UCK2: variants seen among roughly 807,000 people sequenced by gnomAD.
UCK2 encodes cytidine monophosphokinase 2.
Under a neutral mutation model 30.8 loss-of-function variants are expected in UCK2, and 6 were observed. The ratio of observed to expected loss-of-function variants is 0.19; its 90% CI spans 0.11 to 0.38. The LOEUF (loss-of-function observed/expected upper bound fraction) is 0.38, where lower values mean the gene tolerates loss of function less well. UCK2 is among the 10% of genes least tolerant of loss of function. The probability of loss-of-function intolerance (pLI) is 1.00; values close to 1 mark genes in which losing one functional copy is unlikely to be tolerated. For missense variants in UCK2, 210 were observed against 339.8 expected (o/e 0.62, Z 3.00); for synonymous variants, 125 against 133.6 (o/e 0.94, Z 0.45).
chr1:165,853,574 GAGTTA>G (rs1481559672), intron 1 of UCK2, among the ~76,000 whole-genome samples: 1 of 150,998 alleles, frequency 6.6e-6, no homozygotes, highest in Non-Finnish European at 1.5e-5. Context: ...TTAAACCTCA[GAGTTA>G]AGTTCTTCTT....
At chr1:165,854,136 T>TA (rs1313840594) in intron 1 of UCK2, among the ~76,000 whole-genome samples, 1 of 152,214 alleles carries the variant, frequency 6.6e-6, no homozygotes, top group Non-Finnish European at 1.5e-5. Context: ...TGTTGAGACT[T>TA]TCTGAGCGCA....
intron 1 of UCK2, among the ~76,000 whole-genome samples, chr1:165,869,465 C>T (rs967489783): frequency 5.9e-5 from 9 of 151,990 alleles, no homozygotes; most frequent in African/African-American, 1.5e-4. Context: ...CTGGGTCATA[C>T]GGTAATTCTA....
intron 1 of UCK2, among the ~76,000 whole-genome samples, chr1:165,886,537 C>G (rs893458039): frequency 1.3e-5 from 2 of 152,208 alleles, no homozygotes; most frequent in Non-Finnish European, 2.9e-5. Context: ...TCAAGTGATC[C>G]TCCTGCCCTA....
chr1:165,861,261 C>A (rs1654888937), intron 1 of UCK2, among the ~76,000 whole-genome samples: 1 of 152,142 alleles, frequency 6.6e-6, no homozygotes, highest in African/African-American at 2.4e-5. Context: ...GATTAAGTTT[C>A]AACACAGGCA....
At chr1:165,901,649 C>T (rs1647470536) in intron 4 of UCK2, among the ~76,000 whole-genome samples, 1 of 152,148 alleles carries the variant, frequency 6.6e-6, no homozygotes, top group Non-Finnish European at 1.5e-5. Flanking sequence ...AAAGATTTAG[C>T]AGCTCAGATG....
intron 1 of UCK2, among the ~76,000 whole-genome samples, chr1:165,869,769 C>T (rs1253193417): frequency 6.8e-6 from 1 of 146,580 alleles, no homozygotes; most frequent in Non-Finnish European, 1.5e-5. Flanking sequence ...CGATCCTCTG[C>T]TTCAGCCTTC....
chr1:165,875,515 A>C (rs1655312071), intron 1 of UCK2, among the ~76,000 whole-genome samples: 2 of 152,258 alleles, frequency 1.3e-5, no homozygotes. Context: ...ACCTGGAGAT[A>C]GTGTCAAATC....
At chr1:165,898,435 G>C (rs1647344124) in intron 4 of UCK2, among the ~76,000 whole-genome samples, 1 of 152,224 alleles carries the variant, frequency 6.6e-6, no homozygotes, top group African/African-American at 2.4e-5. Flanking sequence ...TTCTGCTGAA[G>C]GGGTCGGTGC....
intron 4 of UCK2, among the ~76,000 whole-genome samples, chr1:165,896,738 G>A (rs1429980974): frequency 1.3e-5 from 2 of 152,238 alleles, no homozygotes; most frequent in Admixed American, 6.5e-5. Context: ...TGTGCCTGAA[G>A]TACTGGGCAG....
At chr1:165,853,224 G>C (rs773334450) in intron 1 of UCK2, among the ~76,000 whole-genome samples, 15 of 152,150 alleles carry the variant, frequency 9.9e-5, no homozygotes, top group Non-Finnish European at 1.6e-4. Context: ...AATCAGAGAT[G>C]GGGGAAAATT....
At chr1:165,848,325 ACTT>A (rs1176316065) in intron 1 of UCK2, among the ~76,000 whole-genome samples, 5 of 152,240 alleles carry the variant, frequency 3.3e-5, no homozygotes, top group East Asian at 1.9e-4. Flanking sequence ...TGGAGGTTGA[ACTT>A]CTTGAAGAAA....
intron 1 of UCK2, among the ~76,000 whole-genome samples, chr1:165,858,659 G>A (rs944551666): frequency 2.0e-5 from 3 of 151,938 alleles, no homozygotes; most frequent in African/African-American, 4.8e-5. Context: ...CATGGTACTC[G>A]TCCCTTAGCC....
At chr1:165,896,056 G>A in intron 3 of UCK2, 134 bp from the exon 4 acceptor site, 1 of 1,171,234 alleles carries the variant, frequency 8.5e-7, no homozygotes, top group Admixed American at 2.1e-5. Context: ...TATTAGCCAA[G>A]TCTTTAGCCC....
intron 1 of UCK2, among the ~76,000 whole-genome samples, chr1:165,871,181 G>A (rs571714088): frequency 1.2e-4 from 18 of 152,144 alleles, no homozygotes; most frequent in Admixed American, 9.2e-4. Context: ...GTGCGTGTGC[G>A]TTTGCTTATT....
intron 1 of UCK2, among the ~76,000 whole-genome samples, chr1:165,874,679 T>C (rs1330250485): frequency 6.6e-6 from 1 of 152,202 alleles, no homozygotes; most frequent in Non-Finnish European, 1.5e-5. Flanking sequence ...CAGGTGCCTC[T>C]GCCATAAAAC....
intron 1 of UCK2, among the ~76,000 whole-genome samples, chr1:165,877,916 C>T (rs2101874466): frequency 6.6e-6 from 1 of 152,240 alleles, no homozygotes; most frequent in South Asian, 2.1e-4. Flanking sequence ...TGCACAACCT[C>T]CCCTATTATC....
intron 1 of UCK2, among the ~76,000 whole-genome samples, chr1:165,856,497 C>A (rs116554115): frequency 0.038 from 4,284 of 113,772 alleles, 205 homozygotes; most frequent in African/African-American, 0.13. Context: ...AGCTTTAAAA[C>A]AAAAATCTTC....
chr1:165,840,940 G>A (rs1308701102), intron 1 of UCK2, among the ~76,000 whole-genome samples: 1 of 152,076 alleles, frequency 6.6e-6, no homozygotes, highest in African/African-American at 2.4e-5. Flanking sequence ...GGTGAACATA[G>A]ATTATTCCCA....
chr1:165,834,201 A>G (rs1420242410), intron 1 of UCK2, among the ~76,000 whole-genome samples: 1 of 152,190 alleles, frequency 6.6e-6, no homozygotes, highest in Non-Finnish European at 1.5e-5. Flanking sequence ...TTTAATGATT[A>G]TCATATTTGA....
Sources: gnomAD v4.1 joint callset for allele counts (sites outside exome capture counted in the v4.1 genomes callset) on GRCh38, gnomAD v4.1.1 for gene constraint, MANE v1.5 for transcripts, NCBI Gene and HGNC (gene_info 2026-07-23, HGNC 2026-07-21) for gene names.